The following EBF2 variants were observed in gnomAD, a reference collection of about 807,000 sequenced individuals.
The protein encoded by EBF2 is transcription factor COE2.
EBF2 carries 21 observed loss-of-function variants against 72.8 expected under a neutral mutation model. The observed-to-expected ratio is 0.29, with a 90% CI of 0.20 to 0.42. EBF2 has a LOEUF of 0.42. Ranked by LOEUF, EBF2 falls within the 10% of genes least tolerant of loss-of-function variation. EBF2 has a pLI of 1.00. For synonymous variants in EBF2, 299 were observed against 274.2 expected (o/e 1.09, Z -0.89); for missense variants, 637 against 731.2 (o/e 0.87, Z 1.49).
At chr8:26,033,246 A>T in intron 5 of EBF2, 93 bp from the exon 6 acceptor site, 11 of 1,257,490 alleles carry the variant, frequency 8.7e-6, no homozygotes, top group African/African-American at 1.5e-5. Context: ...CCCCCCAGAC[A>T]GAGTCTGGCT....
At chr8:25,963,488 G>C (rs1804068993) in intron 6 of EBF2, among the ~76,000 whole-genome samples, 1 of 152,194 alleles carries the variant, frequency 6.6e-6, no homozygotes, top group South Asian at 2.1e-4. Context: ...AAGCCCCGGT[G>C]CTGTCCTTGT....
intron 7 of EBF2, among the ~76,000 whole-genome samples, chr8:25,896,313 G>C (rs1185232481): frequency 6.6e-6 from 1 of 152,082 alleles, no homozygotes; most frequent in Non-Finnish European, 1.5e-5. Context: ...TTTCAATGAG[G>C]GTCATGCACC....
intron 6 of EBF2, among the ~76,000 whole-genome samples, chr8:26,026,763 C>T (rs762007787): frequency 1.3e-5 from 2 of 152,176 alleles, no homozygotes; most frequent in Admixed American, 6.5e-5. Context: ...GCTCTTAACT[C>T]TGCAGTTTTT....
At chr8:25,871,516 T>G (rs1802439439) in intron 10 of EBF2, among the ~76,000 whole-genome samples, 1 of 152,188 alleles carries the variant, frequency 6.6e-6, no homozygotes. Context: ...CACTGAAATA[T>G]AATTTATATT....
chr8:25,866,641 T>G (rs1365771007), intron 10 of EBF2, among the ~76,000 whole-genome samples: 5 of 143,732 alleles, frequency 3.5e-5, no homozygotes, highest in African/African-American at 1.3e-4. Flanking sequence ...ATATATTTTT[T>G]TTTTTTTTGA....
intron 1 of EBF2, among the ~76,000 whole-genome samples, chr8:26,042,810 C>T (rs1049976840): frequency 6.6e-6 from 1 of 152,152 alleles, no homozygotes; most frequent in African/African-American, 2.4e-5. Flanking sequence ...GGTAAGAACC[C>T]CAAGGGGCAG....
chr8:26,027,140 C>T (rs1805313974), intron 6 of EBF2, among the ~76,000 whole-genome samples: 1 of 152,184 alleles, frequency 6.6e-6, no homozygotes, highest in African/African-American at 2.4e-5. Context: ...TAAATCTCAC[C>T]TGCAGCTCAA....
intron 8 of EBF2, among the ~76,000 whole-genome samples, chr8:25,889,354 A>G (rs560631712): frequency 6.6e-6 from 1 of 152,344 alleles, no homozygotes; most frequent in East Asian, 1.9e-4. Context: ...AAAATCAATT[A>G]GTGTCAGTTT....
At chr8:25,902,622 C>T (rs1478857250) in intron 7 of EBF2, among the ~76,000 whole-genome samples, 1 of 152,000 alleles carries the variant, frequency 6.6e-6, no homozygotes, top group African/African-American at 2.4e-5. Flanking sequence ...TAAAACATAT[C>T]GATTGCCTTC....
chr8:25,950,490 G>A (rs889495000), intron 6 of EBF2, among the ~76,000 whole-genome samples: 2 of 152,226 alleles, frequency 1.3e-5, no homozygotes, highest in Non-Finnish European at 2.9e-5. Flanking sequence ...TGGCTGCTGA[G>A]GCAGATACCC....
chr8:26,044,885 G>A lies in EBF2; in HGVS notation c.-26C>T, dbSNP rs771308872. ...TTAAAAAGTCTGATCCTCTACTGTC[G>A]CTTTAAAAGTAAGAGTTACAACACA... On this transcript the variant is annotated 5_prime_UTR_variant, in exon 1 of 16. Transcript: ENST00000520164. This position sits in a 1 kb window ranked among gnomAD's most constrained non-coding sequence, Gnocchi z 4.1. 1 of 1,611,358 alleles carries A rather than the reference G, an allele frequency of 6.2e-7. No individual in the cohort carries two copies. Among genetic ancestry groups the A allele is most frequent in the Admixed American group, 1.7e-5 (1 of 59,882 alleles).
chr8:25,923,435 A>G (rs919341203), intron 6 of EBF2, among the ~76,000 whole-genome samples: 1 of 152,196 alleles, frequency 6.6e-6, no homozygotes, highest in African/African-American at 2.4e-5. Context: ...TGTTTTCTTT[A>G]CCATCTCTCA....
At chr8:25,904,693 T>A (rs1452700195) in intron 7 of EBF2, among the ~76,000 whole-genome samples, 2 of 152,228 alleles carry the variant, frequency 1.3e-5, no homozygotes, top group Non-Finnish European at 2.9e-5. Flanking sequence ...CCTACCACCA[T>A]GAGTATGCAC....
chr8:25,921,547 A>C (rs1235492326), intron 6 of EBF2, among the ~76,000 whole-genome samples: 1 of 152,182 alleles, frequency 6.6e-6, no homozygotes, highest in Admixed American at 6.5e-5. Context: ...TGTCATTCAA[A>C]CTTTATTGAG....
chr8:25,846,285 G>A (rs970361595), intron 15 of EBF2, among the ~76,000 whole-genome samples: 13 of 152,012 alleles, frequency 8.6e-5, no homozygotes, highest in African/African-American at 3.1e-4. Flanking sequence ...GACACATAGT[G>A]TGTAATATTA....
intron 10 of EBF2, among the ~76,000 whole-genome samples, chr8:25,866,491 AATAT>A (rs1220876187): frequency 6.6e-4 from 88 of 133,798 alleles, no homozygotes; most frequent in African/African-American, 2.3e-3. Flanking sequence ...AAAAATATAT[AATAT>A]ATATAATATA....
chr8:25,911,931 G>C (rs760579341), intron 6 of EBF2, among the ~76,000 whole-genome samples: 13 of 152,310 alleles, frequency 8.5e-5, no homozygotes, highest in Non-Finnish European at 1.9e-4. Flanking sequence ...AGGCTGATGG[G>C]CAGATTGTTG....
intron 1 of EBF2, among the ~76,000 whole-genome samples, chr8:26,043,478 C>G (rs1340981213): frequency 6.6e-6 from 1 of 152,226 alleles, no homozygotes; most frequent in African/African-American, 2.4e-5. Flanking sequence ...TGCGGTGCTG[C>G]CTTATTTCCC....
chr8:25,883,598 T>C (rs773794656), intron 10 of EBF2, among the ~76,000 whole-genome samples: 1 of 152,104 alleles, frequency 6.6e-6, no homozygotes. Context: ...ACTGATAATT[T>C]AAAGTGTGGC....
Sources: allele counts gnomAD v4.1 joint callset (sites outside exome capture counted in the v4.1 genomes callset), GRCh38; gene constraint gnomAD v4.1.1; non-coding constraint Gnocchi (gnomAD v3.1); transcripts MANE v1.5; gene names NCBI Gene and HGNC (gene_info 2026-07-23, HGNC 2026-07-21).